Variants in SMG6 observed in about 807,000 individuals in gnomAD.
SMG6 encodes the protein SMG6 nonsense mediated mRNA decay factor.
Under a neutral mutation model 142.2 loss-of-function variants are expected in SMG6, and 66 were observed. That is an observed-to-expected ratio of 0.46 (90% CI 0.38 to 0.57). The LOEUF is 0.57. SMG6 is among the 20% of genes least tolerant of loss of function. SMG6 has a pLI of 0.00. For synonymous variants in SMG6, 779 were observed against 702.4 expected (o/e 1.11, Z -1.72); for missense variants, 1,793 against 1,832.0 (o/e 0.98, Z 0.39).
Position 2,298,375 on chromosome 17 carries a change from TTAAAGA to T in SMG6, c.1848-326_1848-321del, listed in dbSNP as rs1397510818. Among the ~76,000 whole-genome samples the T allele has an allele frequency of 7.9e-5, 12 of 152,344 alleles. No individual in the cohort carries two copies. The East Asian group carries it at 2.1e-3, about 27-fold the overall frequency. On this transcript the variant is annotated intron_variant, in intron 2 of 18. Transcript: ENST00000263073. ...TTCCATTTCAAGATTCCATGATCCC[TTAAAGA>T]TAATTTTTTCTTAAAGAAAAAGTAG...
chr17:2,098,755 C>T (rs192183993), intron 13 of SMG6, among the ~76,000 whole-genome samples: 2 of 152,106 alleles, frequency 1.3e-5, no homozygotes, highest in East Asian at 1.9e-4. Context: ...CTCAGCCTCC[C>T]GAGTAGCTGG....
intron 13 of SMG6, among the ~76,000 whole-genome samples, chr17:2,126,607 T>G (rs1214741123): frequency 6.6e-6 from 1 of 151,746 alleles, no homozygotes; most frequent in Non-Finnish European, 1.5e-5. Context: ...ATCTCAGCTA[T>G]TTGAAAGGCG....
At chr17:2,110,764 A>G (rs1454394578) in intron 13 of SMG6, among the ~76,000 whole-genome samples, 1 of 152,206 alleles carries the variant, frequency 6.6e-6, no homozygotes, top group East Asian at 1.9e-4. Flanking sequence ...TGTGCAAAGT[A>G]TATACATGTG....
At chr17:2,186,254 T>A (rs7225623) in intron 12 of SMG6, among the ~76,000 whole-genome samples, 2 of 143,062 alleles carry the variant, frequency 1.4e-5, no homozygotes, top group Non-Finnish European at 3.0e-5. Context: ...GATACCCTGT[T>A]TCAAAAAAAA....
At chr17:2,211,060 C>T (rs2151746029) in intron 10 of SMG6, among the ~76,000 whole-genome samples, 1 of 146,062 alleles carries the variant, frequency 6.8e-6, no homozygotes, top group African/African-American at 2.6e-5. Flanking sequence ...AACCGATGGA[C>T]TTTCAAATAC....
At chr17:2,123,915 C>T (rs1476723533) in intron 13 of SMG6, among the ~76,000 whole-genome samples, 1 of 152,232 alleles carries the variant, frequency 6.6e-6, no homozygotes, top group Non-Finnish European at 1.5e-5. Flanking sequence ...TATCTGCTCA[C>T]CCCACCCTCC....
intron 10 of SMG6, among the ~76,000 whole-genome samples, chr17:2,214,746 T>G (rs959459550): frequency 6.6e-6 from 1 of 152,230 alleles, no homozygotes; most frequent in Non-Finnish European, 1.5e-5. Context: ...TTGATAAATG[T>G]TATTTCTCCT....
intron 13 of SMG6, among the ~76,000 whole-genome samples, chr17:2,144,216 G>A (rs910671903): frequency 2.0e-5 from 3 of 151,798 alleles, no homozygotes; most frequent in East Asian, 1.9e-4. Flanking sequence ...CTGCCATCAC[G>A]CCCAGCTAAT....
At chr17:2,142,214 T>G (rs2070502663) in intron 13 of SMG6, among the ~76,000 whole-genome samples, 1 of 152,098 alleles carries the variant, frequency 6.6e-6, no homozygotes, top group Non-Finnish European at 1.5e-5. Context: ...AGTAACAAAA[T>G]AAAATAAACC....
intron 13 of SMG6, among the ~76,000 whole-genome samples, chr17:2,103,144 T>G (rs1385337312): frequency 6.6e-6 from 1 of 152,190 alleles, no homozygotes; most frequent in Non-Finnish European, 1.5e-5. Flanking sequence ...ATCTTTTGGG[T>G]GAATGCCCAG....
At chr17:2,292,812 G>T in intron 5 of SMG6, 59 bp downstream of exon 5, 1 of 1,517,750 alleles carries the variant, frequency 6.6e-7, no homozygotes, top group Non-Finnish European at 9.2e-7. Context: ...ACTGCTCTTA[G>T]TAAGGCTTAG....
chr17:2,228,506 C>T (rs1043047056), intron 10 of SMG6, among the ~76,000 whole-genome samples: 50 of 152,124 alleles, frequency 3.3e-4, no homozygotes, highest in Non-Finnish European at 5.7e-4. Context: ...GGACTACAGG[C>T]GTGAGCCATC....
chr17:2,300,600 G>C lies in SMG6; in HGVS notation c.153C>G (p.Ile51Met), dbSNP rs201379443. ...TTAGCCGAGAAAGGCCAGGCTTATA[G>C]ATTTCCAGATCTGGACGCCTGTTAT... ...RKDNRRPDLE[I>M]YKPGLSRLRN... The change falls in exon 2 of 19, where the codon ATC becomes ATG. Residue 51 changes from isoleucine (I) to methionine (M), a missense_variant. Physicochemically the swap from Ile to Met is conservative, Grantham distance 10. This residue lies in a region of SMG6 where 1,597 missense variants were observed against 1,584.6 expected (regional missense o/e 1.01). Transcript: ENST00000263073. 197 of 1,613,320 alleles carry C rather than the reference G, an allele frequency of 1.2e-4. No homozygotes were observed. The highest frequency in any genetic ancestry group is 1.6e-4 in the Non-Finnish European group (194 of 1,179,756).
intron 13 of SMG6, among the ~76,000 whole-genome samples, chr17:2,167,208 T>C (rs778014638): frequency 6.4e-5 from 9 of 141,478 alleles, no homozygotes; most frequent in Non-Finnish European, 1.4e-4. Flanking sequence ...GGTTATAAGA[T>C]ATAATGTAAG....
chr17:2,242,470 C>A (rs1282860959), intron 9 of SMG6, among the ~76,000 whole-genome samples: 2 of 149,884 alleles, frequency 1.3e-5, no homozygotes, highest in Non-Finnish European at 2.9e-5. Flanking sequence ...GCGGAGCTTG[C>A]AGTGAGCGGA....
At chr17:2,185,478 TAC>T (rs2071949757) in intron 12 of SMG6, among the ~76,000 whole-genome samples, 2 of 152,058 alleles carry the variant, frequency 1.3e-5, no homozygotes, top group African/African-American at 4.8e-5. Flanking sequence ...TGGCAAATGT[TAC>T]ATCTATCTCC....
At chr17:2,220,668 C>A (rs190014442) in intron 10 of SMG6, among the ~76,000 whole-genome samples, 67 of 152,254 alleles carry the variant, frequency 4.4e-4, no homozygotes, top group African/African-American at 1.5e-3. Context: ...TCAGTTTATA[C>A]TAGGTTGGTA....
intron 8 of SMG6, among the ~76,000 whole-genome samples, chr17:2,260,397 T>C (rs1394064650): frequency 6.6e-6 from 1 of 152,242 alleles, no homozygotes; most frequent in Non-Finnish European, 1.5e-5. Flanking sequence ...TCAGTTTCAC[T>C]GTGACTGGAG....
chr17:2,119,189 C>T (rs2069604487), intron 13 of SMG6, among the ~76,000 whole-genome samples: 1 of 151,496 alleles, frequency 6.6e-6, no homozygotes, highest in East Asian at 2.0e-4. Flanking sequence ...TCCCAAATAG[C>T]TGGGATTATA....
Sources: allele counts gnomAD v4.1 joint callset (sites outside exome capture counted in the v4.1 genomes callset), GRCh38; gene constraint gnomAD v4.1.1; regional missense constraint gnomAD v4.1.1; transcripts MANE v1.5; gene names NCBI Gene and HGNC (gene_info 2026-07-23, HGNC 2026-07-21).